The following ARHGAP8 variants were observed in gnomAD, a reference collection of about 807,000 sequenced individuals.
ARHGAP8 encodes the protein rho GTPase-activating protein 8.
ARHGAP8 carries 62 observed loss-of-function variants against 46.1 expected under a neutral mutation model. The observed-to-expected ratio is 1.34, with a 90% CI of 1.10 to 1.66. The LOEUF (loss-of-function observed/expected upper bound fraction) is 1.66. Among genes scored for constraint, ARHGAP8 ranks in the 40% most tolerant of loss-of-function variants. The probability of loss-of-function intolerance (pLI) is 0.00; values close to 1 mark genes in which losing one functional copy is unlikely to be tolerated. For synonymous variants in ARHGAP8, 375 were observed against 243.1 expected (o/e 1.54, Z -5.05); for missense variants, 923 against 568.4 (o/e 1.62, Z -6.34).
chr22:44,816,849 A>G (rs1602218809), intron 5 of ARHGAP8, among the ~76,000 whole-genome samples: 1 of 133,942 alleles, frequency 7.5e-6, no homozygotes, highest in South Asian at 2.6e-4. Flanking sequence ...GGCGGCTTGG[A>G]GCCTTTCTTT....
chr22:44,772,878 G>A (rs940032656), intron 1 of ARHGAP8, among the ~76,000 whole-genome samples: 4 of 148,556 alleles, frequency 2.7e-5, no homozygotes, highest in African/African-American at 7.5e-5. Flanking sequence ...TTGTGCCGTG[G>A]TGCAATCATG....
chr22:44,756,121 G>A (rs1924652289), intron 1 of ARHGAP8, among the ~76,000 whole-genome samples: 1 of 152,156 alleles, frequency 6.6e-6, no homozygotes, highest in East Asian at 1.9e-4. Flanking sequence ...TTTCTTCAGT[G>A]GCCTGGACTT....
Position 44,833,443 on chromosome 22 carries a change from T to C in ARHGAP8, c.596+7850T>C, listed in dbSNP as rs373174132. Among the ~76,000 whole-genome samples the C allele has an allele frequency of 3.9e-5, 6 of 152,316 alleles. No individual in the cohort carries two copies. In the East Asian group the frequency reaches 9.6e-4, roughly 24 times the overall value. ...GAGATAATCACATGGCTTTTGTCCTTTATACTGTTGATATGGTGTATTATA... is the reference window on the plus strand; with the variant it reads ...GAGATAATCACATGGCTTTTGTCCTCTATACTGTTGATATGGTGTATTATA... On this transcript the variant is annotated intron_variant, in intron 7 of 11. Coordinates refer to ENST00000356099, the MANE Select transcript of ARHGAP8 (RefSeq NM_181335.3).
chr22:44,859,841 G>C lies in ARHGAP8; in HGVS notation c.981+7G>C, dbSNP rs371527741. The C allele has an allele frequency of 6.2e-7, 1 of 1,612,558 alleles. No individual in the cohort carries two copies. The highest frequency in any genetic ancestry group is 8.5e-7 in the Non-Finnish European group (1 of 1,179,452). On this transcript the variant is annotated splice_region_variant and intron_variant, in intron 11 of 11. Transcript: ENST00000356099. Reference sequence around the variant, plus strand: ...CATGGGCTTCCTGCATGCGGTGAGTGGGGAAGGGGGGAGCTTGGGGTGAAG... The same window carrying C: ...CATGGGCTTCCTGCATGCGGTGAGTCGGGAAGGGGGGAGCTTGGGGTGAAG...
intron 10 of ARHGAP8, among the ~76,000 whole-genome samples, chr22:44,857,798 A>G (rs945572270): frequency 6.7e-6 from 1 of 150,276 alleles, no homozygotes; most frequent in Non-Finnish European, 1.5e-5. Context: ...AACCTCTCAG[A>G]GCTCTCTTTC....
chr22:44,824,344 C>T (rs1232943996), intron 6 of ARHGAP8, among the ~76,000 whole-genome samples: 3 of 152,234 alleles, frequency 2.0e-5, no homozygotes, highest in South Asian at 2.1e-4. Context: ...AACAACCGCA[C>T]GTGGTAGCAG....
rs35684936 is a variant in ARHGAP8, at chr22:44,837,766, C to T, written c.597-7503C>T. Among the ~76,000 whole-genome samples, 1,167 of 152,182 alleles carry T rather than the reference C, an allele frequency of 7.7e-3. 5 individuals carry two copies. The highest frequency in any genetic ancestry group is 0.011 in the Non-Finnish European group (725 of 68,000). ...CTCTATGGAGAGTAGTAATTCGATG[C>T]CGGGGCCCTGTTCTTCCGCTAGCTG... On this transcript the variant is annotated intron_variant, in intron 7 of 11. Transcript: ENST00000356099.
chr22:44,772,408 T>C (rs987151276), intron 1 of ARHGAP8, among the ~76,000 whole-genome samples: 3 of 149,272 alleles, frequency 2.0e-5, no homozygotes, highest in African/African-American at 7.4e-5. Context: ...CAGGTTGGTC[T>C]CGGACTCCTG....
intron 1 of ARHGAP8, chr22:44,786,154 G>A (rs1283033854): frequency 6.0e-6 from 3 of 503,316 alleles, no homozygotes; most frequent in Non-Finnish European, 3.6e-6. Flanking sequence ...TGGGTGCTCG[G>A]CTGATGTCGA....
In ARHGAP8 at chr22:44,769,377, G is replaced by C. The variant is rs1020983336; in HGVS notation, c.-72+16750G>C. ...CCTGATTAGTGTAGCTTTATAATAG[G>C]TCTTGAGATCAGAAATTCTTCCAAC... On this transcript the variant is annotated intron_variant, in intron 1 of 11. Coordinates refer to ENST00000356099, the MANE Select transcript of ARHGAP8 (RefSeq NM_181335.3). 3.9e-5 allele frequency among the ~76,000 whole-genome samples: 6 copies of C among 152,120 alleles called. 1 individual carries two copies. Among genetic ancestry groups the C allele is most frequent in the Non-Finnish European group, 8.8e-5 (6 of 68,030 alleles).
intron 5 of ARHGAP8, among the ~76,000 whole-genome samples, chr22:44,820,716 G>A (rs1298578376): frequency 6.6e-6 from 1 of 152,176 alleles, no homozygotes; most frequent in African/African-American, 2.4e-5. Context: ...TGGCCTACCT[G>A]GCAGTGTCCT....
At chr22:44,806,213 C>T (rs980202411) in intron 3 of ARHGAP8, among the ~76,000 whole-genome samples, 2 of 152,148 alleles carry the variant, frequency 1.3e-5, no homozygotes, top group African/African-American at 4.8e-5. Context: ...AAGTCTCGAC[C>T]TGGGTTTTTC....
intron 10 of ARHGAP8, among the ~76,000 whole-genome samples, chr22:44,855,745 C>T (rs1236929634): frequency 6.6e-6 from 1 of 152,130 alleles, no homozygotes; most frequent in Non-Finnish European, 1.5e-5. Flanking sequence ...TCCAAAGTTA[C>T]CCCACAGATA....
At position 44,786,523 on chromosome 22, in the gene ARHGAP8, T is replaced by C; in HGVS notation, c.-5T>C. On this transcript the variant is annotated 5_prime_UTR_variant, in exon 2 of 12. Transcript: ENST00000356099. ...GCAGTGAGGAAGAGGCCCTCGGTGG[T>C]GCCCATGGCTGGCCAGGATCCTGCG... 6.2e-7 allele frequency: 1 copy of C among 1,613,586 alleles called. No homozygotes were observed. Among genetic ancestry groups the C allele is most frequent in the Non-Finnish European group, 8.5e-7 (1 of 1,179,806 alleles).
At chr22:44,827,241 C>A (rs1930585522) in intron 7 of ARHGAP8, among the ~76,000 whole-genome samples, 2 of 151,112 alleles carry the variant, frequency 1.3e-5, no homozygotes, top group Non-Finnish European at 2.9e-5. Context: ...GGAATGGATT[C>A]TTCCCTGGAG....
chr22:44,766,195 T>TGTG (rs1481592266), intron 1 of ARHGAP8: 2 of 152,582 alleles, frequency 1.3e-5, no homozygotes, highest in Non-Finnish European at 2.9e-5. Context: ...ATCAGGTGAT[T>TGTG]GTGGAAAAAC....
intron 1 of ARHGAP8, among the ~76,000 whole-genome samples, chr22:44,767,821 C>T (rs1925691897): frequency 2.0e-5 from 3 of 148,096 alleles, no homozygotes; most frequent in East Asian, 2.0e-4. Context: ...TGCAATGAGC[C>T]GAGACCGAGC....
chr22:44,773,880 G>A (rs1926221467), intron 1 of ARHGAP8, among the ~76,000 whole-genome samples: 1 of 152,194 alleles, frequency 6.6e-6, no homozygotes, highest in African/African-American at 2.4e-5. Context: ...ACCACACCCA[G>A]CAAAATGTAG....
rs1402538752 is a variant in ARHGAP8, at chr22:44,862,668, G to C, written c.*73G>C. 3.9e-5 allele frequency: 58 copies of C among 1,476,192 alleles called. No individual in the cohort carries two copies. The highest frequency in any genetic ancestry group is 5.0e-5 in the Non-Finnish European group (56 of 1,112,032). The allele number at this position is 1,476,192 out of a possible 1,614,324, so 91.4% of individuals were successfully genotyped here. Reference sequence around the variant, plus strand: ...TGCACTTGTATGTTTTGTAAACTTGGCATCTGTAAAAATAACCAGCCATTA... The same window carrying C: ...TGCACTTGTATGTTTTGTAAACTTGCCATCTGTAAAAATAACCAGCCATTA... On this transcript the variant is annotated 3_prime_UTR_variant, in exon 12 of 12. Coordinates refer to ENST00000356099, the MANE Select transcript of ARHGAP8 (RefSeq NM_181335.3).
Sources: gnomAD v4.1 joint callset for allele counts (sites outside exome capture counted in the v4.1 genomes callset) on GRCh38, gnomAD v4.1.1 for gene constraint, MANE v1.5 for transcripts, NCBI Gene and HGNC (gene_info 2026-07-23, HGNC 2026-07-21) for gene names.